The following KLHL9 variants were observed in gnomAD, a reference collection of about 807,000 sequenced individuals.
The protein encoded by KLHL9 is kelch-like protein 9.
In KLHL9, 27 loss-of-function variants were observed where a neutral mutation model predicts 42.3. The observed-to-expected ratio is 0.64, with a 90% CI of 0.47 to 0.88. The LOEUF (loss-of-function observed/expected upper bound fraction) is 0.88, where lower values mean the gene tolerates loss of function less well. Ranked by LOEUF, KLHL9 falls within the 40% of genes least tolerant of loss-of-function variation. KLHL9 has a pLI of 0.00. For missense variants in KLHL9, 629 were observed against 750.3 expected (o/e 0.84, Z 1.89); for synonymous variants, 274 against 254.4 (o/e 1.08, Z -0.73).
chr9:21,333,966 A>G lies in KLHL9; in HGVS notation c.894T>C (p.Thr298=), dbSNP rs757416726. 14 of 1,614,092 alleles carry G rather than the reference A, an allele frequency of 8.7e-6. No individual in the cohort carries two copies. The highest frequency in any genetic ancestry group is 1.2e-5 in the Non-Finnish European group (14 of 1,180,034). The change falls in exon 1 of 1, where the codon ACT becomes ACC. Residue 298 remains threonine (T), a synonymous_variant. Coordinates refer to ENST00000359039, the MANE Select transcript of KLHL9 (RefSeq NM_018847.4). The surrounding 1 kb of genome is among the most constrained non-coding windows in gnomAD (Gnocchi z 7.5). ...AAACTCCTCCTAATGTAACCAAGTG[A>G]GTGGAGTCAGATCGAATGGCAGTTC... ...SDRTAIRSDS[T]HLVTLGGVLR... is the part of the protein sequence containing the mutation.
rs752946329 is a variant in KLHL9 at position 21,332,977 on chromosome 9, A to T, written c.*29T>A. The T allele has an allele frequency of 6.2e-7, 1 of 1,613,854 alleles. No homozygotes were observed. The highest frequency in any genetic ancestry group is 2.2e-5 in the East Asian group (1 of 44,884). On this transcript the variant is annotated 3_prime_UTR_variant, in exon 1 of 1. Transcript: ENST00000359039. ...AAGGGGAAGTATTAGATCACCCATG[A>T]CGTACTGCAAAGGTGTTACACCTTA...
At position 21,333,117 on chromosome 9, in the gene KLHL9, T is replaced by C. The variant is rs1200572508; in HGVS notation, c.1743A>G (p.Pro581=). The change falls in exon 1 of 1, where the codon CCA becomes CCG. Residue 581 remains proline, a synonymous_variant. Coordinates refer to ENST00000359039, the MANE Select transcript of KLHL9 (RefSeq NM_018847.4). This position sits in a 1 kb window ranked among gnomAD's most constrained non-coding sequence, Gnocchi z 7.5. ...AGGCTCGAATGCCACCAAGTGACTCTGGAAGATCAAAAACTTTATGCCACT... is the reference window on the plus strand; with the variant it reads ...AGGCTCGAATGCCACCAAGTGACTCCGGAAGATCAAAAACTTTATGCCACT... The part of the protein sequence containing the change: ...KDEWHKVFDL[P]ESLGGIRACT... The C allele has an allele frequency of 1.3e-5, 21 of 1,614,222 alleles. No homozygotes were observed. In the East Asian group the frequency reaches 4.5e-4, roughly 34 times the overall value.
Position 21,333,158 on chromosome 9 carries a change from C to G in KLHL9, c.1702G>C (p.Asp568His). The G allele has an allele frequency of 6.2e-7, 1 of 1,614,082 alleles. No homozygotes were observed. The highest frequency in any genetic ancestry group is 1.1e-5 in the South Asian group (1 of 91,062). ...RCMVEIVQKY[D>H]PEKDEWHKVF... is the part of the protein sequence containing the mutation. ...TTATGCCACTCATCTTTTTCTGGGT[C>G]ATATTTCTGGACAATTTCTACCATA... The change falls in exon 1 of 1, where the codon GAC (aspartate) becomes CAC (histidine). Residue 568 changes from aspartate (D) to histidine (H), a missense_variant. Coordinates refer to ENST00000359039, the MANE Select transcript of KLHL9 (RefSeq NM_018847.4). This position sits in a 1 kb window ranked among gnomAD's most constrained non-coding sequence, Gnocchi z 7.5.
In KLHL9 at chr9:21,331,454, T is replaced by C. The variant is rs1449917362; in HGVS notation, c.*1552A>G. 6.6e-6 allele frequency: 1 copy of C among 152,318 alleles called. No homozygotes were observed. The highest frequency in any genetic ancestry group is 1.5e-5 in the Non-Finnish European group (1 of 68,000). 9.4% of individuals were successfully genotyped at this position (152,318 alleles called of 1,614,324 possible). A position where few individuals can be genotyped will look rare whatever the true frequency, so the allele number is the denominator to read the frequency against. On this transcript the variant is annotated 3_prime_UTR_variant, in exon 1 of 1. Transcript: ENST00000359039. ...GGGATTGTCAATAAGGAGAAAGTTG[T>C]TCCTGATTTACATGCTGACAATCTT...
chr9:21,333,507 T>C lies in KLHL9; in HGVS notation c.1353A>G (p.Ser451=), dbSNP rs773308378. ...GTVYGGLMYI[S]GGITHDTFQN... is the part of the protein sequence containing the mutation. Reference sequence around the variant, plus strand: ...GGAAAGTGTCATGGGTAATTCCTCCTGAAATATACATTAAGCCTCCATATA... The same window carrying C: ...GGAAAGTGTCATGGGTAATTCCTCCCGAAATATACATTAAGCCTCCATATA... The change falls in exon 1 of 1, where the codon TCA becomes TCG. Residue 451 remains serine (S), a synonymous_variant. Transcript: ENST00000359039. This position sits in a 1 kb window ranked among gnomAD's most constrained non-coding sequence, Gnocchi z 7.5. The C allele has an allele frequency of 1.2e-5, 19 of 1,614,096 alleles. No homozygotes were observed. In the East Asian group the frequency reaches 4.0e-4, roughly 34 times the overall value.
rs1820171474 is a variant in KLHL9, at chr9:21,331,523, T to C, written c.*1483A>G. The C allele has an allele frequency of 2.0e-5, 3 of 151,002 alleles. No individual in the cohort carries two copies. The South Asian group carries it at 6.3e-4, about 32-fold the overall frequency. 9.4% of individuals were successfully genotyped at this position (151,002 alleles called of 1,614,324 possible). The stretch of plus-strand genomic sequence containing the variant: ...GTGTGTGTATTACACACACACACAA[T>C]GTATATATAAATTTTTTTTCTTCAG... On this transcript the variant is annotated 3_prime_UTR_variant, in exon 1 of 1. Coordinates refer to ENST00000359039, the MANE Select transcript of KLHL9 (RefSeq NM_018847.4).
At position 21,333,865 on chromosome 9, in the gene KLHL9, G is replaced by A. The variant is rs1209843578; in HGVS notation, c.995C>T (p.Pro332Leu). The A allele has an allele frequency of 1.9e-6, 3 of 1,613,878 alleles. No homozygotes were observed. The South Asian group carries it at 3.3e-5, about 18-fold the overall frequency. Reference sequence around the variant, plus strand: ...ATGCTGGTAACGGGGAGCATCCATTGGGGCTAAAGATCTCCATTCTTGTGC... The same window carrying A: ...ATGCTGGTAACGGGGAGCATCCATTAGGGCTAAAGATCTCCATTCTTGTGC... ...ERAQEWRSLA[P>L]MDAPRYQHGI... The change falls in exon 1 of 1, where the codon CCA becomes CTA. Residue 332 changes from proline to leucine, a missense_variant. Transcript: ENST00000359039. The surrounding 1 kb of genome is among the most constrained non-coding windows in gnomAD (Gnocchi z 7.5).
chr9:21,332,755 T>G lies in KLHL9; in HGVS notation c.*251A>C. 1 of 502,826 alleles carries G rather than the reference T, an allele frequency of 2.0e-6. No individual in the cohort carries two copies. The highest frequency in any genetic ancestry group is 3.4e-6 in the Non-Finnish European group (1 of 295,922). 31.1% of individuals were successfully genotyped at this position (502,826 alleles called of 1,614,324 possible). A position where few individuals can be genotyped will look rare whatever the true frequency, so the allele number is the denominator to read the frequency against. On this transcript the variant is annotated 3_prime_UTR_variant, in exon 1 of 1. Coordinates refer to ENST00000359039, the MANE Select transcript of KLHL9 (RefSeq NM_018847.4). ...CACATTTACCACAGTCATCTACAAT[T>G]TTATATAACATCACAAAAAGACATC...
chr9:21,330,611 A>G lies in KLHL9; in HGVS notation c.*2395T>C, dbSNP rs1435692919. On this transcript the variant is annotated 3_prime_UTR_variant, in exon 1 of 1. Transcript: ENST00000359039. ...ATAGGAAGCACCAGGTTCAGACATA[A>G]GATGTAATAAAAAGTACTTTTTTTC... The G allele has an allele frequency of 6.6e-6, 1 of 152,216 alleles. No homozygotes were observed. The highest frequency in any genetic ancestry group is 1.5e-5 in the Non-Finnish European group (1 of 68,044). 9.4% of individuals were successfully genotyped at this position (152,216 alleles called of 1,614,324 possible). A position where few individuals can be genotyped will look rare whatever the true frequency, so the allele number is the denominator to read the frequency against.
rs1820154361 is a variant in KLHL9, at chr9:21,330,757, C to T, written c.*2249G>A. Reference sequence around the variant, plus strand: ...TCAAAATTATCCCCTAACCCCATCTCTACTAAAAATACAAAATTAGCCGGG... The same window carrying T: ...TCAAAATTATCCCCTAACCCCATCTTTACTAAAAATACAAAATTAGCCGGG... On this transcript the variant is annotated 3_prime_UTR_variant, in exon 1 of 1. Coordinates refer to ENST00000359039, the MANE Select transcript of KLHL9 (RefSeq NM_018847.4). 6.6e-6 allele frequency: 1 copy of T among 152,058 alleles called. No homozygotes were observed. The highest frequency in any genetic ancestry group is 1.9e-4 in the East Asian group (1 of 5,196). The allele number at this position is 152,058 out of a possible 1,614,324, so 9.4% of individuals were successfully genotyped here.
rs766902481 is a variant in KLHL9, at chr9:21,332,960, G to C, written c.*46C>G. 5 of 1,613,060 alleles carry C rather than the reference G, an allele frequency of 3.1e-6. No homozygotes were observed. The highest frequency in any genetic ancestry group is 8.5e-7 in the Non-Finnish European group (1 of 1,179,316). ...GTAAGAAGATACAACTGAAGGGGAA[G>C]TATTAGATCACCCATGACGTACTGC... On this transcript the variant is annotated 3_prime_UTR_variant, in exon 1 of 1. Coordinates refer to ENST00000359039, the MANE Select transcript of KLHL9 (RefSeq NM_018847.4).
Position 21,332,878 on chromosome 9 carries a change from G to T in KLHL9, c.*128C>A. The T allele has an allele frequency of 1.5e-6, 2 of 1,374,864 alleles. No individual in the cohort carries two copies. The highest frequency in any genetic ancestry group is 9.8e-7 in the Non-Finnish European group (1 of 1,020,622). The allele number at this position is 1,374,864 out of a possible 1,614,324, so 85.2% of individuals were successfully genotyped here. Reference sequence around the variant, plus strand: ...TAGCCACTTGATAAACATACTAAAAGCCATACAAGACGAATAACATCAGTT... The same window carrying T: ...TAGCCACTTGATAAACATACTAAAATCCATACAAGACGAATAACATCAGTT... On this transcript the variant is annotated 3_prime_UTR_variant, in exon 1 of 1. Coordinates refer to ENST00000359039, the MANE Select transcript of KLHL9 (RefSeq NM_018847.4).
chr9:21,330,395 G>T lies in KLHL9; in HGVS notation c.*2611C>A, dbSNP rs1820148114. ...CCCTCAAAAAGTTTTAAATTTTGGA[G>T]CAATTTGGATTTTTGGATTAGGGCT... On this transcript the variant is annotated 3_prime_UTR_variant, in exon 1 of 1. Transcript: ENST00000359039. The T allele has an allele frequency of 6.6e-6, 1 of 152,108 alleles. No individual in the cohort carries two copies. The highest frequency in any genetic ancestry group is 1.5e-5 in the Non-Finnish European group (1 of 68,036). The allele number at this position is 152,108 out of a possible 1,614,324, so 9.4% of individuals were successfully genotyped here.
In KLHL9 at chr9:21,330,663, A is replaced by G. The variant is rs1423890406; in HGVS notation, c.*2343T>C. 1.3e-5 allele frequency: 2 copies of G among 152,196 alleles called. No individual in the cohort carries two copies. The highest frequency in any genetic ancestry group is 2.4e-5 in the African/African-American group (1 of 41,442). 9.4% of individuals were successfully genotyped at this position (152,196 alleles called of 1,614,324 possible). ...ATAAAAGGAAAAGCCTGTACAAAAT[A>G]GAGGCAGGGCAGTATCACCTTGATA... On this transcript the variant is annotated 3_prime_UTR_variant, in exon 1 of 1. Transcript: ENST00000359039.
chr9:21,333,101 T>C lies in KLHL9; in HGVS notation c.1759A>G (p.Ile587Val). ...VFDLPESLGGIRACTLTVFPP... is the reference protein window; with the variant it reads ...VFDLPESLGGVRACTLTVFPP... ...AAAACTGTGAGTGTACAGGCTCGAA[T>C]GCCACCAAGTGACTCTGGAAGATCA... is the stretch of plus-strand genomic sequence containing the variant. Residue 587 changes from isoleucine to valine, a missense_variant, in exon 1 of 1, where the codon ATT becomes GTT. Ile to Val is a conservative substitution (Grantham distance 29). Transcript: ENST00000359039. The surrounding 1 kb of genome is among the most constrained non-coding windows in gnomAD (Gnocchi z 7.5). The C allele has an allele frequency of 6.2e-7, 1 of 1,614,224 alleles. No individual in the cohort carries two copies. Among genetic ancestry groups the C allele is most frequent in the Non-Finnish European group, 8.5e-7 (1 of 1,180,028 alleles).
At position 21,333,171 on chromosome 9, in the gene KLHL9, A is replaced by C. The variant is rs1343806647; in HGVS notation, c.1689T>G (p.Ile563Met). ...CTTTTTCTGGGTCATATTTCTGGAC[A>C]ATTTCTACCATACAACGATTATTCC... ...YSWNNRCMVEIVQKYDPEKDE... is the reference protein window; with the variant it reads ...YSWNNRCMVEMVQKYDPEKDE... The change falls in exon 1 of 1, where the codon ATT becomes ATG. Residue 563 changes from isoleucine to methionine, a missense_variant. Physicochemically the swap from Ile to Met is conservative, Grantham distance 10. Around this residue, in one of 4 missense-constraint regions of KLHL9, gnomAD observed 61 missense variants for 63.5 expected, o/e 0.96. Coordinates refer to ENST00000359039, the MANE Select transcript of KLHL9 (RefSeq NM_018847.4). The surrounding 1 kb of genome is among the most constrained non-coding windows in gnomAD (Gnocchi z 7.5). 1 of 1,614,008 alleles carries C rather than the reference A, an allele frequency of 6.2e-7. No homozygotes were observed. The highest frequency in any genetic ancestry group is 8.5e-7 in the Non-Finnish European group (1 of 1,180,014).
At position 21,330,181 on chromosome 9, in the gene KLHL9, G is replaced by C. The variant is rs539923278; in HGVS notation, c.*2825C>G. ...ATTTGCATGTACATGACGTATCCTG[G>C]GGGAGGGACCCAAGTCTAAACAATA... On this transcript the variant is annotated 3_prime_UTR_variant, in exon 1 of 1. Transcript: ENST00000359039. 123 of 152,230 alleles carry C rather than the reference G, an allele frequency of 8.1e-4. 1 individual carries two copies. The highest frequency in any genetic ancestry group is 2.9e-3 in the African/African-American group (119 of 41,528). 9.4% of individuals were successfully genotyped at this position (152,230 alleles called of 1,614,324 possible).
rs949001860 is a variant in KLHL9 at position 21,334,408 on chromosome 9, A to G, written c.452T>C (p.Leu151Ser). Reference sequence around the variant, plus strand: ...TCGTCCAACCTCAACACAGTTATCCAAAGAGACTCCTGATATAAGAAATAC... The same window carrying G: ...TCGTCCAACCTCAACACAGTTATCCGAAGAGACTCCTGATATAAGAAATAC... The part of the protein sequence containing the change: ...CKVFLISGVS[L>S]DNCVEVGRIA... Residue 151 changes from leucine (L) to serine (S), a missense_variant, in exon 1 of 1, where the codon TTG (leucine) becomes TCG (serine). Leu to Ser is a moderately radical substitution (Grantham distance 145). Coordinates refer to ENST00000359039, the MANE Select transcript of KLHL9 (RefSeq NM_018847.4). This position sits in a 1 kb window ranked among gnomAD's most constrained non-coding sequence, Gnocchi z 5.1. 1.9e-6 allele frequency: 3 copies of G among 1,614,096 alleles called. No individual in the cohort carries two copies. Among genetic ancestry groups the G allele is most frequent in the Non-Finnish European group, 1.7e-6 (2 of 1,179,998 alleles).
chr9:21,334,359 T>C lies in KLHL9; in HGVS notation c.501A>G (p.Ile167Met), dbSNP rs766794077. Residue 167 changes from isoleucine to methionine, a missense_variant, in exon 1 of 1, where the codon ATA (isoleucine) becomes ATG (methionine). By Grantham distance (10) the Ile-to-Met change is conservative. This residue lies in a region of KLHL9 where 351 missense variants were observed against 363.1 expected (regional missense o/e 0.97). Coordinates refer to ENST00000359039, the MANE Select transcript of KLHL9 (RefSeq NM_018847.4). This position sits in a 1 kb window ranked among gnomAD's most constrained non-coding sequence, Gnocchi z 5.1. Reference protein sequence around the residue: ...VGRIANTYNLIEVDKYVNNFI... With the variant: ...VGRIANTYNLMEVDKYVNNFI... ...AATTATTAACATATTTATCCACTTCTATAAGATTGTAGGTGTTAGCAATTC... is the reference window on the plus strand; with the variant it reads ...AATTATTAACATATTTATCCACTTCCATAAGATTGTAGGTGTTAGCAATTC... 6.2e-7 allele frequency: 1 copy of C among 1,613,494 alleles called. No individual in the cohort carries two copies. The highest frequency in any genetic ancestry group is 1.1e-5 in the South Asian group (1 of 91,068).
Sources: allele counts gnomAD v4.1 joint callset, GRCh38; gene constraint gnomAD v4.1.1; regional missense constraint gnomAD v4.1.1; non-coding constraint Gnocchi (gnomAD v3.1); transcripts MANE v1.5; gene names NCBI Gene and HGNC (gene_info 2026-07-23, HGNC 2026-07-21).